The following RGL1 variants were observed in gnomAD, a reference collection of about 807,000 sequenced individuals.
The protein encoded by RGL1 is ral guanine nucleotide dissociation stimulator like 1, also known as ral guanine nucleotide dissociation stimulator-like 1.
Under a neutral mutation model 95.2 loss-of-function variants are expected in RGL1, and 24 were observed. That is an observed-to-expected ratio of 0.25 (90% CI 0.18 to 0.35). The LOEUF is 0.35. Ranked by LOEUF, RGL1 falls within the 10% of genes least tolerant of loss-of-function variation. The pLI is 1.00. For missense variants in RGL1, 715 were observed against 936.3 expected, an observed-to-expected ratio of 0.76 and a Z score of 3.08; for synonymous variants, 329 against 344.9, an observed-to-expected ratio of 0.95 and a Z score of 0.51.
chr1:183,642,730 C>CT (rs1177354283), intron 1 of RGL1, among the ~76,000 whole-genome samples: 1 of 152,048 alleles, frequency 6.6e-6, no homozygotes, highest in Admixed American at 6.6e-5. Context: ...AAAGATGTCA[C>CT]TTTTTTTGTA....
chr1:183,764,196 G>T (rs10737248), intron 2 of RGL1, among the ~76,000 whole-genome samples: 27,222 of 152,152 alleles, frequency 0.18, 3,354 homozygotes, highest in African/African-American at 0.35. Context: ...CTGAGATAAT[G>T]AGCATTGCCA....
chr1:183,788,171 T>C (rs914509954), intron 2 of RGL1, among the ~76,000 whole-genome samples: 4 of 152,218 alleles, frequency 2.6e-5, no homozygotes, highest in Non-Finnish European at 5.9e-5. Flanking sequence ...ATATATTTAA[T>C]TGGGAATTGG....
Sources: allele counts gnomAD v4.1 joint callset (sites outside exome capture counted in the v4.1 genomes callset), GRCh38; gene constraint gnomAD v4.1.1; transcripts MANE v1.5; gene names NCBI Gene and HGNC (gene_info 2026-07-23, HGNC 2026-07-21).